The following PIP5K1B variants were observed in gnomAD, a reference collection of about 807,000 sequenced individuals.
PIP5K1B encodes the protein phosphatidylinositol-4-phosphate 5-kinase type 1 beta.
A neutral mutation model predicts 67.0 loss-of-function variants in PIP5K1B; 42 were observed. That is an observed-to-expected ratio of 0.63 (90% CI 0.49 to 0.81). PIP5K1B has a LOEUF of 0.81. PIP5K1B is among the 30% of genes least tolerant of loss of function. PIP5K1B has a pLI of 0.00. For synonymous variants in PIP5K1B, 214 were observed against 231.4 expected (o/e 0.92, Z 0.68); for missense variants, 459 against 646.3 (o/e 0.71, Z 3.14).
At chr9:68,758,429 A>G (rs1046265927) in intron 2 of PIP5K1B, among the ~76,000 whole-genome samples, 3 of 152,178 alleles carry the variant, frequency 2.0e-5, no homozygotes, top group Admixed American at 1.3e-4. Context: ...AGAAGAACCA[A>G]ATTAAAATTT....
Position 68,876,751 on chromosome 9 carries a change from G to A in PIP5K1B, c.275G>A (p.Arg92Gln). The A allele has an allele frequency of 6.2e-7, 1 of 1,607,750 alleles. No homozygotes were observed. Among genetic ancestry groups the A allele is most frequent in the Non-Finnish European group, 8.5e-7 (1 of 1,174,262 alleles). ...RFKTYAPLAF[R>Q]YFRELFGIKP... is the part of the protein sequence containing the mutation. The stretch of plus-strand genomic sequence containing the variant: ...AAGACATACGCTCCATTAGCATTCC[G>A]ATATTTCAGAGAACTTTTTGGTATC... The change falls in exon 6 of 16, where the codon CGA becomes CAA. Residue 92 changes from arginine to glutamine, a missense_variant. Physicochemically the swap from Arg to Gln is conservative, Grantham distance 43. This residue lies in a region of PIP5K1B where 290 missense variants were observed against 474.4 expected (regional missense o/e 0.61). Transcript: ENST00000265382.
chr9:68,928,880 G>A (rs956161423), intron 12 of PIP5K1B, among the ~76,000 whole-genome samples: 23 of 151,968 alleles, frequency 1.5e-4, no homozygotes, highest in South Asian at 2.1e-4. Context: ...TTAAATGTAA[G>A]CTAGCTGGGC....
intron 4 of PIP5K1B, among the ~76,000 whole-genome samples, chr9:68,846,017 C>T (rs1456939766): frequency 1.3e-5 from 2 of 152,132 alleles, no homozygotes; most frequent in African/African-American, 4.8e-5. Context: ...TAAGTTTCCT[C>T]ATCTGTGGGG....
At chr9:68,806,184 G>A (rs1254128942) in intron 2 of PIP5K1B, among the ~76,000 whole-genome samples, 1 of 152,176 alleles carries the variant, frequency 6.6e-6, no homozygotes, top group Non-Finnish European at 1.5e-5. Context: ...TGGGATAAAG[G>A]TGGCACAGGT....
chr9:68,853,819 G>A (rs1822618280), intron 4 of PIP5K1B, among the ~76,000 whole-genome samples: 1 of 152,148 alleles, frequency 6.6e-6, no homozygotes, highest in Non-Finnish European at 1.5e-5. Context: ...AAGAAAAAAA[G>A]ATACATACCT....
chr9:68,997,943 A>G, intron 15 of PIP5K1B, among the ~76,000 whole-genome samples: 1 of 151,864 alleles, frequency 6.6e-6, no homozygotes, highest in Non-Finnish European at 1.5e-5. Context: ...CAATTGAATG[A>G]CAGTTTGCAG....
rs1224332057 is a variant in PIP5K1B at position 68,723,694 on chromosome 9, G to GTT, written c.-243+17932_-243+17933insTT. On this transcript the variant is annotated intron_variant, in intron 1 of 15. Coordinates refer to ENST00000265382, the MANE Select transcript of PIP5K1B (RefSeq NM_003558.4). The stretch of plus-strand genomic sequence containing the variant: ...TGCCCATTTTTTAATTGAAGTATTT[G>GTT]GTTTTTTTTTTTTTTTTTTTTTTGC... 0.014 allele frequency among the ~76,000 whole-genome samples: 497 copies of GTT among 36,574 alleles called. 20 individuals are homozygous for GTT. The Admixed American group carries it at 0.14, about 10-fold the overall frequency. 24.0% of individuals were successfully genotyped at this position (36,574 alleles called of 152,430 possible).
chr9:68,774,961 T>C (rs527326327), intron 2 of PIP5K1B, among the ~76,000 whole-genome samples: 13 of 152,332 alleles, frequency 8.5e-5, no homozygotes, highest in South Asian at 2.1e-4. Context: ...AGCTTCTTCA[T>C]TGGCAGACAA....
At chr9:68,752,818 A>G (rs541849774) in intron 2 of PIP5K1B, among the ~76,000 whole-genome samples, 1 of 152,328 alleles carries the variant, frequency 6.6e-6, no homozygotes, top group African/African-American at 2.4e-5. Flanking sequence ...TCTTTCTGCC[A>G]TATGGTGCAG....
chr9:69,007,780 G>A (rs1484038211), intron 15 of PIP5K1B, among the ~76,000 whole-genome samples: 4 of 151,896 alleles, frequency 2.6e-5, no homozygotes, highest in South Asian at 2.1e-4. Flanking sequence ...TCTCATGTAC[G>A]TGGGAGGCAG....
intron 2 of PIP5K1B, among the ~76,000 whole-genome samples, chr9:68,808,888 A>ATGAAG (rs1833013106): frequency 6.6e-6 from 1 of 152,220 alleles, no homozygotes; most frequent in African/African-American, 2.4e-5. Context: ...TATTAGATAC[A>ATGAAG]TGAAGTGAAA....
intron 2 of PIP5K1B, among the ~76,000 whole-genome samples, chr9:68,779,874 C>G (rs1379082993): frequency 1.3e-5 from 2 of 152,274 alleles, no homozygotes; most frequent in Non-Finnish European, 2.9e-5. Context: ...ATCTTATTGA[C>G]ATGCGTCAAC....
intron 8 of PIP5K1B, among the ~76,000 whole-genome samples, chr9:68,903,161 C>G (rs1312749593): frequency 6.6e-6 from 1 of 152,172 alleles, no homozygotes; most frequent in African/African-American, 2.4e-5. Flanking sequence ...TCTGTGGGAA[C>G]TGTGGAACCT....
chr9:68,861,492 T>A (rs900834272), intron 4 of PIP5K1B, among the ~76,000 whole-genome samples: 1 of 152,222 alleles, frequency 6.6e-6, no homozygotes, highest in Non-Finnish European at 1.5e-5. Context: ...TTACTCTCTT[T>A]GGCAGGCTGT....
At chr9:68,729,135 A>C (rs1404035839) in intron 1 of PIP5K1B, among the ~76,000 whole-genome samples, 1 of 152,186 alleles carries the variant, frequency 6.6e-6, no homozygotes, top group Non-Finnish European at 1.5e-5. Context: ...TAATAATTGC[A>C]AGAAATGCAT....
chr9:68,831,395 A>G (rs962339840), intron 4 of PIP5K1B, among the ~76,000 whole-genome samples: 1 of 152,220 alleles, frequency 6.6e-6, no homozygotes, highest in Non-Finnish European at 1.5e-5. Flanking sequence ...AGGTTATACT[A>G]TTACGACCAT....
Position 68,778,399 on chromosome 9 carries a change from A to C in PIP5K1B, c.-86+35742A>C, listed in dbSNP as rs200175171. On this transcript the variant is annotated intron_variant, in intron 2 of 15. Transcript: ENST00000265382. ...AGATCTCTTAATTTCTACAACTCTA[A>C]ATGTGCTATTTTCCTCTCTCAGTAA... 3.9e-5 allele frequency among the ~76,000 whole-genome samples: 6 copies of C among 152,276 alleles called. No homozygotes were observed. The East Asian group carries it at 9.6e-4, about 24-fold the overall frequency.
At chr9:68,893,321 C>T (rs1294281942) in intron 7 of PIP5K1B, among the ~76,000 whole-genome samples, 1 of 140,056 alleles carries the variant, frequency 7.1e-6, no homozygotes, top group Non-Finnish European at 1.5e-5. Flanking sequence ...GCATGTATTC[C>T]CTATTTTTTT....
chr9:68,765,874 A>G (rs1007011663), intron 2 of PIP5K1B, among the ~76,000 whole-genome samples: 1 of 152,204 alleles, frequency 6.6e-6, no homozygotes, highest in African/African-American at 2.4e-5. Context: ...TGATGTGTTT[A>G]CAAGAAGCCT....
Sources: allele counts gnomAD v4.1 joint callset (sites outside exome capture counted in the v4.1 genomes callset), GRCh38; gene constraint gnomAD v4.1.1; regional missense constraint gnomAD v4.1.1; transcripts MANE v1.5; gene names NCBI Gene and HGNC (gene_info 2026-07-23, HGNC 2026-07-21).